Variants in SRC observed in about 807,000 individuals in gnomAD.
The protein encoded by SRC is proto-oncogene tyrosine-protein kinase Src.
A neutral mutation model predicts 62.9 loss-of-function variants in SRC; 13 were observed. The observed-to-expected ratio is 0.21, with a 90% CI of 0.13 to 0.33. The LOEUF (loss-of-function observed/expected upper bound fraction) is 0.33. Ranked by LOEUF, SRC falls within the 10% of genes least tolerant of loss-of-function variation. The pLI, the probability that SRC is intolerant of heterozygous loss-of-function variation, is 1.00. For synonymous variants in SRC, 302 were observed against 317.5 expected, an observed-to-expected ratio of 0.95 and a Z score of 0.52; for missense variants, 457 against 737.3, an observed-to-expected ratio of 0.62 and a Z score of 4.40.
intron 5 of SRC, among the ~76,000 whole-genome samples, chr20:37,388,484 G>T (rs951341092): frequency 3.3e-5 from 5 of 152,214 alleles, no homozygotes; most frequent in African/African-American, 4.8e-5. Context: ...GGTGGCTCAC[G>T]CCTGTAATCC....
At chr20:37,352,360 G>C (rs2069816979) in intron 1 of SRC, among the ~76,000 whole-genome samples, 1 of 152,258 alleles carries the variant, frequency 6.6e-6, no homozygotes, top group Non-Finnish European at 1.5e-5. Flanking sequence ...GAAATCACCA[G>C]GGCAGTGACC....
chr20:37,368,412 C>T (rs1054016879), intron 2 of SRC, among the ~76,000 whole-genome samples: 21 of 151,148 alleles, frequency 1.4e-4, no homozygotes, highest in Admixed American at 2.6e-4. Flanking sequence ...AGTGAGACTC[C>T]GTCTCAAAAC....
intron 10 of SRC, 107 bp downstream of exon 10, chr20:37,400,401 T>A (rs1445654728): frequency 1.2e-5 from 12 of 1,039,984 alleles, no homozygotes; most frequent in Non-Finnish European, 1.6e-5. Context: ...AAAGGTGGAA[T>A]GCAGTAGAGC....
chr20:37,391,369 T>G (rs4810601), intron 5 of SRC, among the ~76,000 whole-genome samples: 4 of 152,190 alleles, frequency 2.6e-5, no homozygotes, highest in Admixed American at 2.6e-4. Context: ...TTCTCACTCT[T>G]GCTCTGCCAT....
intron 1 of SRC, among the ~76,000 whole-genome samples, chr20:37,363,700 A>C (rs924116223): frequency 1.3e-5 from 2 of 152,076 alleles, no homozygotes; most frequent in Admixed American, 1.3e-4. Flanking sequence ...CCCCGCCTGG[A>C]CCAGAGCAGC....
intron 1 of SRC, among the ~76,000 whole-genome samples, chr20:37,362,875 C>T (rs2069997835): frequency 6.6e-6 from 1 of 152,162 alleles, no homozygotes; most frequent in African/African-American, 2.4e-5. Context: ...AAGAGAGCGC[C>T]ACCCTGGTGT....
intron 5 of SRC, among the ~76,000 whole-genome samples, chr20:37,389,488 C>T (rs1003118669): frequency 6.6e-6 from 1 of 152,200 alleles, no homozygotes; most frequent in Non-Finnish European, 1.5e-5. Flanking sequence ...TCACCCCTGC[C>T]TCGCTCCTCC....
At position 37,394,410 on chromosome 20, in the gene SRC, A is replaced by G. The variant is rs2070605607; in HGVS notation, c.553+133A>G. On this transcript the variant is annotated intron_variant, in intron 7 of 13. Transcript: ENST00000373578. The stretch of plus-strand genomic sequence containing the variant: ...CCTTCCGGGTGGAGGTAATGGCAGG[A>G]TCAAAGTCAGGGAGGTGCATTTGAG... 19 of 732,112 alleles carry G rather than the reference A, an allele frequency of 2.6e-5. No individual in the cohort carries two copies. In the Admixed American group the frequency reaches 4.0e-4, roughly 15 times the overall value. The allele number at this position is 732,112 out of a possible 1,614,324, so 45.4% of individuals were successfully genotyped here. A position where few individuals can be genotyped will look rare whatever the true frequency, so the allele number is the denominator to read the frequency against.
chr20:37,347,883 C>T (rs1365663298), intron 1 of SRC, among the ~76,000 whole-genome samples: 4 of 152,184 alleles, frequency 2.6e-5, no homozygotes, highest in Non-Finnish European at 5.9e-5. Context: ...CTGCATCCCT[C>T]CAGTGATGGG....
At chr20:37,362,397 C>A (rs752895074) in intron 1 of SRC, among the ~76,000 whole-genome samples, 1 of 152,100 alleles carries the variant, frequency 6.6e-6, no homozygotes, top group Non-Finnish European at 1.5e-5. Flanking sequence ...CATTCAGCCA[C>A]GTGGTGGTTA....
At chr20:37,350,157 C>T (rs962431128) in intron 1 of SRC, among the ~76,000 whole-genome samples, 1 of 152,250 alleles carries the variant, frequency 6.6e-6, no homozygotes, top group African/African-American at 2.4e-5. Context: ...GGCCCCCACC[C>T]CTTATCTCCG....
At chr20:37,389,928 G>A (rs1398546254) in intron 5 of SRC, among the ~76,000 whole-genome samples, 2 of 152,200 alleles carry the variant, frequency 1.3e-5, no homozygotes, top group Non-Finnish European at 1.5e-5. Context: ...GGGGGAAGGT[G>A]CTGGATGCCG....
chr20:37,392,390 T>C (rs1278425202), intron 5 of SRC, among the ~76,000 whole-genome samples: 3 of 152,200 alleles, frequency 2.0e-5, no homozygotes, highest in African/African-American at 7.2e-5. Flanking sequence ...CTGAAGAATA[T>C]GGCCAGGGGC....
chr20:37,357,135 C>A (rs1447642179), intron 1 of SRC, among the ~76,000 whole-genome samples: 1 of 152,146 alleles, frequency 6.6e-6, no homozygotes, highest in East Asian at 1.9e-4. Context: ...GGACAAAGCC[C>A]CTTTGTGGAG....
Position 37,397,183 on chromosome 20 carries a change from C to T in SRC, c.704-516C>T, listed in dbSNP as rs553252541. Among the ~76,000 whole-genome samples, 1 of 152,292 alleles carries T rather than the reference C, an allele frequency of 6.6e-6. No homozygotes were observed. Among genetic ancestry groups the T allele is most frequent in the South Asian group, 2.1e-4 (1 of 4,822 alleles). The stretch of plus-strand genomic sequence containing the variant: ...GCCCCTTTGTCCTCCGCTTCTCCAG[C>T]CCTGCAGCTGTTCTTTCCTCAGAGC... On this transcript the variant is annotated intron_variant, in intron 8 of 13. Transcript: ENST00000373578. This position sits in a 1 kb window ranked among gnomAD's most constrained non-coding sequence, Gnocchi z 4.1.
At chr20:37,358,060 C>T (rs745923910) in intron 1 of SRC, among the ~76,000 whole-genome samples, 2 of 152,180 alleles carry the variant, frequency 1.3e-5, no homozygotes, top group South Asian at 2.1e-4. Context: ...TAAGCAGGAA[C>T]GAAGGGTTCA....
Position 37,403,275 on chromosome 20 carries a change from C to T in SRC, c.1507C>T (p.Arg503Trp), listed in dbSNP as rs564099857. The T allele has an allele frequency of 6.9e-6, 11 of 1,598,376 alleles. No individual in the cohort carries two copies. Among genetic ancestry groups the T allele is most frequent in the Admixed American group, 3.5e-5 (2 of 57,834 alleles). Residue 503 changes from arginine (R) to tryptophan (W), a missense_variant, in exon 14 of 14, where the codon CGG (arginine) becomes TGG (tryptophan). Arg to Trp is a moderately radical substitution (Grantham distance 101). This residue lies in a region of SRC where 168 missense variants were observed against 357.8 expected (regional missense o/e 0.47). Coordinates refer to ENST00000373578, the MANE Select transcript of SRC (RefSeq NM_198291.3). This position sits in a 1 kb window ranked among gnomAD's most constrained non-coding sequence, Gnocchi z 7.1. ...SLHDLMCQCWRKEPEERPTFE... is the reference protein window; with the variant it reads ...SLHDLMCQCWWKEPEERPTFE... ...GCACGACCTCATGTGCCAGTGCTGG[C>T]GGAAGGAGCCTGAGGAGCGGCCCAC...
rs959017175 is a variant in SRC, at chr20:37,396,856, G to T, written c.703+545G>T. On this transcript the variant is annotated intron_variant, in intron 8 of 13. Coordinates refer to ENST00000373578, the MANE Select transcript of SRC (RefSeq NM_198291.3). The surrounding 1 kb of genome is among the most constrained non-coding windows in gnomAD (Gnocchi z 6.1). ...TGACTGCAGTGTCGGGCCTGTGGGT[G>T]CCTGTGTGCCCGTGTGTCTGTGGCA... 6.3e-6 allele frequency: 1 copy of T among 159,500 alleles called. No homozygotes were observed. The highest frequency in any genetic ancestry group is 1.4e-5 in the Non-Finnish European group (1 of 72,404). The allele number at this position is 159,500 out of a possible 1,614,324, so 9.9% of individuals were successfully genotyped here.
chr20:37,395,475 G>A (rs1184335152), intron 7 of SRC, among the ~76,000 whole-genome samples: 2 of 152,230 alleles, frequency 1.3e-5, no homozygotes, highest in Admixed American at 6.5e-5. Context: ...CTGCTGGATG[G>A]GAGGAAACTT....
Sources: gnomAD v4.1 joint callset for allele counts (sites outside exome capture counted in the v4.1 genomes callset) on GRCh38, gnomAD v4.1.1 for gene constraint, gnomAD v4.1.1 regional missense constraint, Gnocchi (gnomAD v3.1) non-coding constraint, MANE v1.5 for transcripts, NCBI Gene and HGNC (gene_info 2026-07-23, HGNC 2026-07-21) for gene names.